Variants in ATP13A4 observed in about 807,000 individuals in gnomAD.
ATP13A4 encodes probable cation-transporting ATPase 13A4.
A neutral mutation model predicts 142.5 loss-of-function variants in ATP13A4; 114 were observed. The ratio of observed to expected loss-of-function variants is 0.80; its 90% CI spans 0.69 to 0.93. ATP13A4 has a LOEUF of 0.93. Among genes scored for constraint, ATP13A4 ranks in the 40% least tolerant of loss-of-function variants. The pLI, the probability that ATP13A4 is intolerant of heterozygous loss-of-function variation, is 0.00. For missense variants in ATP13A4, 1,392 were observed against 1,454.0 expected (o/e 0.96, Z 0.69); for synonymous variants, 488 against 514.8 (o/e 0.95, Z 0.70).
At chr3:193,560,770 T>C (rs1286562240) in intron 2 of ATP13A4, among the ~76,000 whole-genome samples, 1 of 152,160 alleles carries the variant, frequency 6.6e-6, no homozygotes, top group African/African-American at 2.4e-5. Flanking sequence ...CTGCAGGTGC[T>C]TGCAAAGGAA....
chr3:193,417,756 C>T (rs1391126500), intron 25 of ATP13A4, among the ~76,000 whole-genome samples: 1 of 137,798 alleles, frequency 7.3e-6, no homozygotes, highest in Non-Finnish European at 1.5e-5. Context: ...GAGGCCGAGG[C>T]AGGTGGATCA....
intron 22 of ATP13A4, 138 bp downstream of exon 22, chr3:193,438,885 A>G: frequency 1.1e-6 from 1 of 949,178 alleles, no homozygotes; most frequent in South Asian, 1.3e-5. Flanking sequence ...TAAATGGTAT[A>G]TATGCCAGGA....
intron 2 of ATP13A4, among the ~76,000 whole-genome samples, chr3:193,564,558 C>T (rs1724091876): frequency 6.6e-6 from 1 of 152,140 alleles, no homozygotes; most frequent in African/African-American, 2.4e-5. Context: ...AGGCTGCAGT[C>T]ATCTTGACTG....
intron 2 of ATP13A4, among the ~76,000 whole-genome samples, chr3:193,565,327 G>A (rs969258124): frequency 7.2e-5 from 11 of 152,188 alleles, no homozygotes; most frequent in African/African-American, 1.2e-4. Flanking sequence ...GGGAATCAAT[G>A]TGTGGCAATC....
intron 1 of ATP13A4, among the ~76,000 whole-genome samples, chr3:193,525,025 T>C (rs879407276): frequency 1.2e-4 from 19 of 152,196 alleles, no homozygotes; most frequent in Non-Finnish European, 2.5e-4. Flanking sequence ...AATGTAAGCT[T>C]CAAAAGAGCA....
intron 1 of ATP13A4, among the ~76,000 whole-genome samples, chr3:193,522,182 G>A (rs1721757139): frequency 6.6e-6 from 1 of 152,128 alleles, no homozygotes; most frequent in South Asian, 2.1e-4. Context: ...AGCCCAGTGT[G>A]TTGTCAGCTA....
intron 1 of ATP13A4, among the ~76,000 whole-genome samples, chr3:193,545,192 C>A (rs1481123855): frequency 2.0e-5 from 3 of 152,126 alleles, no homozygotes; most frequent in Non-Finnish European, 4.4e-5. Flanking sequence ...ACAATATTAT[C>A]TTCTAAGTAC....
chr3:193,450,755 C>A (rs1035258443), intron 17 of ATP13A4, among the ~76,000 whole-genome samples: 1 of 152,236 alleles, frequency 6.6e-6, no homozygotes, highest in Non-Finnish European at 1.5e-5. Context: ...CGTGGCCAAC[C>A]CGGAGATCTG....
At chr3:193,426,973 C>A (rs1044446906) in intron 25 of ATP13A4, among the ~76,000 whole-genome samples, 1 of 151,778 alleles carries the variant, frequency 6.6e-6, no homozygotes, top group Non-Finnish European at 1.5e-5. Context: ...CATGAACAAA[C>A]AAATACATAA....
chr3:193,555,091 T>G (rs566706031), upstream of ATP13A4: 80 of 536,158 alleles, frequency 1.5e-4, no homozygotes, highest in South Asian at 1.6e-3. Context: ...GATCTTTTTG[T>G]GCCCAACTTA....
chr3:193,437,988 C>A (rs552129301), intron 23 of ATP13A4, among the ~76,000 whole-genome samples: 2 of 152,042 alleles, frequency 1.3e-5, no homozygotes, highest in Non-Finnish European at 2.9e-5. Context: ...CCTGCTACCA[C>A]GCCCAGCTAA....
At chr3:193,532,426 C>A (rs1421773229) in intron 1 of ATP13A4, among the ~76,000 whole-genome samples, 2 of 147,082 alleles carry the variant, frequency 1.4e-5, no homozygotes, top group African/African-American at 2.5e-5. Context: ...ATAATAGGCC[C>A]CCAACAAACT....
In ATP13A4 at chr3:193,448,282, C is replaced by T. The variant is rs1235130622; in HGVS notation, c.2076G>A (p.Glu692=). 1 of 1,614,048 alleles carries T rather than the reference C, an allele frequency of 6.2e-7. No individual in the cohort carries two copies. Among genetic ancestry groups the T allele is most frequent in the Non-Finnish European group, 8.5e-7 (1 of 1,180,010 alleles). Residue 692 remains glutamate, a synonymous_variant, in exon 18 of 30, where the codon GAG becomes GAA. Coordinates refer to ENST00000342695, the MANE Select transcript of ATP13A4 (RefSeq NM_032279.4). ...DLIFLGLLIL[E]NRLKEETKPV... ...GTTTTGTCTCTTCCTTCAATCGATT[C>T]TCCAAGATCAGCAGCCCCAGAAATA...
At chr3:193,555,673 T>C (rs1013721496), upstream of ATP13A4, among the ~76,000 whole-genome samples, 8 of 152,256 alleles carry the variant, frequency 5.3e-5, no homozygotes, top group African/African-American at 1.9e-4. Context: ...AGTTAAGTCA[T>C]ATTTGCTACC....
intron 27 of ATP13A4, 34 bp downstream of exon 27, chr3:193,412,144 C>T: frequency 4.5e-6 from 7 of 1,552,588 alleles, no homozygotes; most frequent in Non-Finnish European, 5.3e-6. Flanking sequence ...TCTCTGATGA[C>T]TTCTCACCTC....
At chr3:193,444,837 G>A (rs1183898658) in intron 18 of ATP13A4, among the ~76,000 whole-genome samples, 2 of 152,164 alleles carry the variant, frequency 1.3e-5, no homozygotes, top group South Asian at 2.1e-4. Flanking sequence ...CAAAAGAGCC[G>A]AAGTGGTAGG....
At position 193,462,816 on chromosome 3, in the gene ATP13A4, G is replaced by A; in HGVS notation, c.1469C>T (p.Thr490Ile). 1 of 1,613,810 alleles carries A rather than the reference G, an allele frequency of 6.2e-7. No homozygotes were observed. Among genetic ancestry groups the A allele is most frequent in the African/African-American group, 1.3e-5 (1 of 74,986 alleles). The change falls in exon 13 of 30, where the codon ACC becomes ATC. Residue 490 changes from threonine (T) to isoleucine (I), a missense_variant. Thr to Ile is a moderately conservative substitution (Grantham distance 89). Transcript: ENST00000342695. ...GAGGTCCAAGCCGTCCCTTGTTAAGGTGCCTGTCTAAACAGAAACAAATGC... is the reference window on the plus strand; with the variant it reads ...GAGGTCCAAGCCGTCCCTTGTTAAGATGCCTGTCTAAACAGAAACAAATGC... ...LNLVCFDKTG[T>I]LTRDGLDLWG...
At chr3:193,538,844 T>C (rs1376502204) in intron 1 of ATP13A4, among the ~76,000 whole-genome samples, 1 of 151,800 alleles carries the variant, frequency 6.6e-6, no homozygotes, top group East Asian at 1.9e-4. Context: ...GCAGAAGCAA[T>C]ATGCAGACAA....
At chr3:193,441,743 A>G (rs917561986) in intron 19 of ATP13A4, among the ~76,000 whole-genome samples, 155 bp from the exon 20 acceptor site, 1 of 152,216 alleles carries the variant, frequency 6.6e-6, no homozygotes, top group African/African-American at 2.4e-5. Context: ...TGCTGGATCA[A>G]TCTTTGCACA....
Sources: allele counts gnomAD v4.1 joint callset (sites outside exome capture counted in the v4.1 genomes callset), GRCh38; gene constraint gnomAD v4.1.1; transcripts MANE v1.5; gene names NCBI Gene and HGNC (gene_info 2026-07-23, HGNC 2026-07-21).